The following ZNF891 variants were observed in gnomAD, a reference collection of about 807,000 sequenced individuals.
The protein encoded by ZNF891 is zinc finger protein 891.
For synonymous variants in ZNF891, 199 were observed against 209.0 expected (o/e 0.95, Z 0.41); for missense variants, 589 against 632.7 (o/e 0.93, Z 0.74).
intron 1 of ZNF891, among the ~76,000 whole-genome samples, chr12:133,126,665 A>G (rs1437753764): frequency 6.7e-6 from 1 of 150,330 alleles, no homozygotes; most frequent in Non-Finnish European, 1.5e-5. Context: ...ACAAAAAAAA[A>G]AAAAAGCTAG....
chr12:133,120,136 A>G lies in ZNF891; in HGVS notation c.*148T>C. On this transcript the variant is annotated 3_prime_UTR_variant, in exon 2 of 2. Coordinates refer to ENST00000537226, the MANE Select transcript of ZNF891 (RefSeq NM_001277291.2). ...ATTCTAAACAGCCATGGATCAAAAAAAGTCATAATTAGTATTTACAGAAAA... is the reference window on the plus strand; with the variant it reads ...ATTCTAAACAGCCATGGATCAAAAAGAGTCATAATTAGTATTTACAGAAAA... 1.8e-6 allele frequency: 1 copy of G among 563,324 alleles called. No individual in the cohort carries two copies. The highest frequency in any genetic ancestry group is 2.9e-6 in the Non-Finnish European group (1 of 342,664). 34.9% of individuals were successfully genotyped at this position (563,324 alleles called of 1,614,324 possible).
chr12:133,105,684 G>A lies in ZNF891; in HGVS notation c.*14600C>T, dbSNP rs1028047426. On this transcript the variant is annotated 3_prime_UTR_variant, in exon 2 of 2. Transcript: ENST00000537226. ...GAGATGCTGCAAGAAAATCAGGGAT[G>A]TATTAGGAAAGTAACAGTCTCTCAT... is the stretch of plus-strand genomic sequence containing the variant. The A allele has an allele frequency of 6.2e-7, 1 of 1,614,190 alleles. No individual in the cohort carries two copies. Among genetic ancestry groups the A allele is most frequent in the East Asian group, 2.2e-5 (1 of 44,872 alleles).
At chr12:133,129,126 AATTAG>A (rs1307886107) in intron 1 of ZNF891, among the ~76,000 whole-genome samples, 1 of 152,210 alleles carries the variant, frequency 6.6e-6, no homozygotes, top group East Asian at 1.9e-4. Flanking sequence ...AAATTTGAAA[AATTAG>A]ATTAAAAACA....
rs1476096780 is a variant in ZNF891, at chr12:133,111,864, A to T, written c.*8420T>A. On this transcript the variant is annotated 3_prime_UTR_variant, in exon 2 of 2. Transcript: ENST00000537226. ...TAAAAAATAAAGAAAAATAAATAAAAAAGTGAATGCTAAGGAAATTAGTTT... is the reference window on the plus strand; with the variant it reads ...TAAAAAATAAAGAAAAATAAATAAATAAGTGAATGCTAAGGAAATTAGTTT... 3 of 152,202 alleles carry T rather than the reference A, an allele frequency of 2.0e-5. No homozygotes were observed. Among genetic ancestry groups the T allele is most frequent in the Non-Finnish European group, 2.9e-5 (2 of 68,032 alleles). 9.4% of individuals were successfully genotyped at this position (152,202 alleles called of 1,614,324 possible). A position where few individuals can be genotyped will look rare whatever the true frequency, so the allele number is the denominator to read the frequency against.
At position 133,121,488 on chromosome 12, in the gene ZNF891, G is replaced by A. The variant is rs1188320641; in HGVS notation, c.431C>T (p.Thr144Ile). The A allele has an allele frequency of 2.0e-6, 3 of 1,536,060 alleles. No homozygotes were observed. Among genetic ancestry groups the A allele is most frequent in the Non-Finnish European group, 2.6e-6 (3 of 1,146,944 alleles). The change falls in exon 2 of 2, where the codon ACA (threonine) becomes ATA (isoleucine). Residue 144 changes from threonine to isoleucine, a missense_variant. By Grantham distance (89) the Thr-to-Ile change is moderately conservative. Transcript: ENST00000537226. The part of the protein sequence containing the change: ...PSNAVKMIKL[T>I]MHNWSSTLRE... ...TAATGTGGAGGACCAATTATGCATTGTGAGTTTTATCATTTTCACTGCATT... is the reference window on the plus strand; with the variant it reads ...TAATGTGGAGGACCAATTATGCATTATGAGTTTTATCATTTTCACTGCATT...
rs201405602 is a variant in ZNF891 at position 133,106,505 on chromosome 12, G to T, written c.*13779C>A. ...TCTACATCAGAGAACTCATACTGGA[G>T]AGAAACCCTATGTATGTAAGGTATG... is the stretch of plus-strand genomic sequence containing the variant. On this transcript the variant is annotated 3_prime_UTR_variant, in exon 2 of 2. Coordinates refer to ENST00000537226, the MANE Select transcript of ZNF891 (RefSeq NM_001277291.2). 1.5e-5 allele frequency: 25 copies of T among 1,613,922 alleles called. No homozygotes were observed. Among genetic ancestry groups the T allele is most frequent in the Non-Finnish European group, 4.2e-6 (5 of 1,180,022 alleles).
chr12:133,128,718 G>A lies in ZNF891; in HGVS notation c.-107+1509C>T, dbSNP rs1004437408. Among the ~76,000 whole-genome samples the A allele has an allele frequency of 4.6e-5, 7 of 151,610 alleles. No individual in the cohort carries two copies. The East Asian group carries it at 9.7e-4, about 21-fold the overall frequency. ...TGAGGCAGGAGAATCGCTTGAATCC[G>A]GGTGGTAGAGGCTACAGTGAGCCGA... On this transcript the variant is annotated intron_variant, in intron 1 of 1. Transcript: ENST00000537226.
In ZNF891 at chr12:133,108,659, C is replaced by G. The variant is rs1955656975; in HGVS notation, c.*11625G>C. 6.6e-6 allele frequency: 1 copy of G among 152,232 alleles called. No homozygotes were observed. Among genetic ancestry groups the G allele is most frequent in the African/African-American group, 2.4e-5 (1 of 41,432 alleles). 9.4% of individuals were successfully genotyped at this position (152,232 alleles called of 1,614,324 possible). A position where few individuals can be genotyped will look rare whatever the true frequency, so the allele number is the denominator to read the frequency against. Reference sequence around the variant, plus strand: ...CCTGACTACATCAAATCTTTGCCCTCTAGTTTTTGTTGAGTGCAGCCAACA... The same window carrying G: ...CCTGACTACATCAAATCTTTGCCCTGTAGTTTTTGTTGAGTGCAGCCAACA... On this transcript the variant is annotated 3_prime_UTR_variant, in exon 2 of 2. Coordinates refer to ENST00000537226, the MANE Select transcript of ZNF891 (RefSeq NM_001277291.2).
At chr12:133,125,052 C>T (rs1345301210) in intron 1 of ZNF891, among the ~76,000 whole-genome samples, 1 of 152,090 alleles carries the variant, frequency 6.6e-6, no homozygotes, top group African/African-American at 2.4e-5. Flanking sequence ...CATAATTTTT[C>T]TATGGAAAAA....
chr12:133,127,206 C>T (rs1333601848), intron 1 of ZNF891, among the ~76,000 whole-genome samples: 3 of 151,996 alleles, frequency 2.0e-5, no homozygotes, highest in Non-Finnish European at 4.4e-5. Context: ...ACCTCATGAT[C>T]CACCCACCTC....
At position 133,106,833 on chromosome 12, in the gene ZNF891, T is replaced by C; in HGVS notation, c.*13451A>G. On this transcript the variant is annotated 3_prime_UTR_variant, in exon 2 of 2. Coordinates refer to ENST00000537226, the MANE Select transcript of ZNF891 (RefSeq NM_001277291.2). ...ACCCAGGAATATGTGGAAAAGCCATTAATAACCACTCTTTTATTTTTTTGC... is the reference window on the plus strand; with the variant it reads ...ACCCAGGAATATGTGGAAAAGCCATCAATAACCACTCTTTTATTTTTTTGC... 2.1e-6 allele frequency: 1 copy of C among 477,926 alleles called. No individual in the cohort carries two copies. The highest frequency in any genetic ancestry group is 3.3e-5 in the East Asian group (1 of 30,080). The allele number at this position is 477,926 out of a possible 1,614,324, so 29.6% of individuals were successfully genotyped here. A position where few individuals can be genotyped will look rare whatever the true frequency, so the allele number is the denominator to read the frequency against.
Position 133,113,630 on chromosome 12 carries a change from A to G in ZNF891, c.*6654T>C, listed in dbSNP as rs1955698921. On this transcript the variant is annotated 3_prime_UTR_variant, in exon 2 of 2. Transcript: ENST00000537226. ...CTTATACATGAAAAATCCTTTTATA[A>G]AATCTCAGTTTAAAATTGCTGGGTT... 1 of 152,200 alleles carries G rather than the reference A, an allele frequency of 6.6e-6. No individual in the cohort carries two copies. The highest frequency in any genetic ancestry group is 1.5e-5 in the Non-Finnish European group (1 of 68,050). The allele number at this position is 152,200 out of a possible 1,614,324, so 9.4% of individuals were successfully genotyped here. A position where few individuals can be genotyped will look rare whatever the true frequency, so the allele number is the denominator to read the frequency against.
chr12:133,105,697 A>G lies in ZNF891; in HGVS notation c.*14587T>C, dbSNP rs1955566442. On this transcript the variant is annotated 3_prime_UTR_variant, in exon 2 of 2. Coordinates refer to ENST00000537226, the MANE Select transcript of ZNF891 (RefSeq NM_001277291.2). Reference sequence around the variant, plus strand: ...AAAATCAGGGATGTATTAGGAAAGTAACAGTCTCTCATCAAGAAGCCCTGG... The same window carrying G: ...AAAATCAGGGATGTATTAGGAAAGTGACAGTCTCTCATCAAGAAGCCCTGG... 1.2e-6 allele frequency: 2 copies of G among 1,614,204 alleles called. No individual in the cohort carries two copies. Among genetic ancestry groups the G allele is most frequent in the South Asian group, 2.2e-5 (2 of 91,084 alleles).
Position 133,106,353 on chromosome 12 carries a change from G to C in ZNF891, c.*13931C>G. On this transcript the variant is annotated 3_prime_UTR_variant, in exon 2 of 2. Transcript: ENST00000537226. ...CATGCTGGAGAAAAGCTCTATGAATGTGATGAATGTGGTAAAGTTTTCACT... is the reference window on the plus strand; with the variant it reads ...CATGCTGGAGAAAAGCTCTATGAATCTGATGAATGTGGTAAAGTTTTCACT... 6.2e-7 allele frequency: 1 copy of C among 1,614,128 alleles called. No individual in the cohort carries two copies. Among genetic ancestry groups the C allele is most frequent in the Middle Eastern group, 1.6e-4 (1 of 6,062 alleles).
In ZNF891 at chr12:133,107,644, G is replaced by A. The variant is rs1050620618; in HGVS notation, c.*12640C>T. On this transcript the variant is annotated 3_prime_UTR_variant, in exon 2 of 2. Coordinates refer to ENST00000537226, the MANE Select transcript of ZNF891 (RefSeq NM_001277291.2). The stretch of plus-strand genomic sequence containing the variant: ...TGACTATAGACATTTGTTATTCAGT[G>A]TGAAACAAATATAAGATACATCACA... 6 of 152,024 alleles carry A rather than the reference G, an allele frequency of 3.9e-5. No homozygotes were observed. The highest frequency in any genetic ancestry group is 1.2e-4 in the African/African-American group (5 of 41,286). The allele number at this position is 152,024 out of a possible 1,614,324, so 9.4% of individuals were successfully genotyped here. A position where few individuals can be genotyped will look rare whatever the true frequency, so the allele number is the denominator to read the frequency against.
chr12:133,115,135 C>T lies in ZNF891; in HGVS notation c.*5149G>A, dbSNP rs528981819. 1 of 152,074 alleles carries T rather than the reference C, an allele frequency of 6.6e-6. No homozygotes were observed. Among genetic ancestry groups the T allele is most frequent in the African/African-American group, 2.4e-5 (1 of 41,508 alleles). The allele number at this position is 152,074 out of a possible 1,614,324, so 9.4% of individuals were successfully genotyped here. A position where few individuals can be genotyped will look rare whatever the true frequency, so the allele number is the denominator to read the frequency against. On this transcript the variant is annotated 3_prime_UTR_variant, in exon 2 of 2. Transcript: ENST00000537226. ...TTGGATAGGCTGGGGGCGATGGCCT[C>T]ACAATCCCAACAATTTGGGAGGCTG...
Position 133,121,297 on chromosome 12 carries a change from G to C in ZNF891, c.622C>G (p.Gln208Glu). ...CAATGTTTACTGGTGAAAATGCTCT[G>C]TGAAAAAATAAGTTTTGATCCAAGT... The part of the protein sequence containing the change: ...SKLGSKLIFS[Q>E]SIFTSKHCQK... Residue 208 changes from glutamine (Q) to glutamate (E), a missense_variant, in exon 2 of 2, where the codon CAG becomes GAG. Gln to Glu is a conservative substitution (Grantham distance 29). Transcript: ENST00000537226. 1 of 1,535,438 alleles carries C rather than the reference G, an allele frequency of 6.5e-7. No homozygotes were observed.
At chr12:133,126,913 T>G (rs574875036) in intron 1 of ZNF891, among the ~76,000 whole-genome samples, 3 of 150,866 alleles carry the variant, frequency 2.0e-5, no homozygotes. Flanking sequence ...TACCCCAGAT[T>G]ACTCAGAGTT....
In ZNF891 at chr12:133,120,172, A is replaced by C. The variant is rs1207058198; in HGVS notation, c.*112T>G. ...AGTATTTACAGAAAATGTTATATTA[A>C]AAAAAGAGCCATTTGTAACCTTAAA... On this transcript the variant is annotated 3_prime_UTR_variant, in exon 2 of 2. Transcript: ENST00000537226. 2.4e-6 allele frequency: 2 copies of C among 831,896 alleles called. No individual in the cohort carries two copies. The highest frequency in any genetic ancestry group is 2.4e-4 in the Middle Eastern group (1 of 4,204). 51.5% of individuals were successfully genotyped at this position (831,896 alleles called of 1,614,324 possible). A position where few individuals can be genotyped will look rare whatever the true frequency, so the allele number is the denominator to read the frequency against.
Sources: allele counts gnomAD v4.1 joint callset (sites outside exome capture counted in the v4.1 genomes callset), GRCh38; gene constraint gnomAD v4.1.1; transcripts MANE v1.5; gene names NCBI Gene and HGNC (gene_info 2026-07-23, HGNC 2026-07-21).